The following ZFP64 variants were observed in gnomAD, a reference collection of about 807,000 sequenced individuals.
ZFP64 encodes the protein zinc finger protein 64.
ZFP64 carries 14 observed loss-of-function variants against 51.6 expected under a neutral mutation model. That is an observed-to-expected ratio of 0.27 (90% CI 0.18 to 0.42). ZFP64 has a LOEUF of 0.42. ZFP64 is among the 10% of genes least tolerant of loss of function. The pLI is 1.00. For missense variants in ZFP64, 754 were observed against 906.8 expected, an observed-to-expected ratio of 0.83 and a Z score of 2.16; for synonymous variants, 375 against 361.4, an observed-to-expected ratio of 1.04 and a Z score of -0.43.
Position 52,085,411 on chromosome 20 carries a change from G to C in ZFP64, c.1229-145C>G, listed in dbSNP as rs961614181. 5 of 842,454 alleles carry C rather than the reference G, an allele frequency of 5.9e-6. No homozygotes were observed. The African/African-American group carries it at 6.9e-5, about 12-fold the overall frequency. The allele number at this position is 842,454 out of a possible 1,614,324, so 52.2% of individuals were successfully genotyped here. A position where few individuals can be genotyped will look rare whatever the true frequency, so the allele number is the denominator to read the frequency against. The stretch of plus-strand genomic sequence containing the variant: ...ACCTCCTAATGACAACACTTGTTGT[G>C]CATATTAATGCAATCCTCACAACAA... On this transcript the variant is annotated intron_variant, in intron 8 of 8. Transcript: ENST00000361387. This position sits in a 1 kb window ranked among gnomAD's most constrained non-coding sequence, Gnocchi z 4.3.
downstream of ZFP64, among the ~76,000 whole-genome samples, chr20:52,146,847 A>T (rs1052260489): frequency 2.0e-5 from 3 of 152,216 alleles, no homozygotes; most frequent in Non-Finnish European, 4.4e-5. Context: ...AAACTTCCAG[A>T]TAAGATATTA....
chr20:52,191,521 G>A lies in ZFP64; in HGVS notation c.46+70C>T. On this transcript the variant is annotated intron_variant, in intron 1 of 5. Coordinates refer to ENST00000216923, the MANE Select transcript of ZFP64 (RefSeq NM_018197.3). This position sits in a 1 kb window ranked among gnomAD's most constrained non-coding sequence, Gnocchi z 4.3. Reference sequence around the variant, plus strand: ...CGGGCCTGCTGGCTGCGTCGCAGACGTGCTTGGGCCCGGGCCCCGGAGCGC... The same window carrying A: ...CGGGCCTGCTGGCTGCGTCGCAGACATGCTTGGGCCCGGGCCCCGGAGCGC... 1.4e-6 allele frequency: 2 copies of A among 1,463,916 alleles called. No individual in the cohort carries two copies. Among genetic ancestry groups the A allele is most frequent in the Non-Finnish European group, 1.8e-6 (2 of 1,107,222 alleles). The allele number at this position is 1,463,916 out of a possible 1,614,324, so 90.7% of individuals were successfully genotyped here. A position where few individuals can be genotyped will look rare whatever the true frequency, so the allele number is the denominator to read the frequency against.
In ZFP64 at chr20:52,103,759, T is replaced by A. The variant is rs1390071197; in HGVS notation, c.764-5172A>T. 3.3e-5 allele frequency among the ~76,000 whole-genome samples: 5 copies of A among 152,328 alleles called. No homozygotes were observed. The East Asian group carries it at 9.6e-4, about 29-fold the overall frequency. Reference sequence around the variant, plus strand: ...CCTCGACCCAGGGGACGGGATCCTGTAAGTCTCACCTGCCTATCTCCATCC... The same window carrying A: ...CCTCGACCCAGGGGACGGGATCCTGAAAGTCTCACCTGCCTATCTCCATCC... On this transcript the variant is annotated intron_variant, in intron 5 of 8. Coordinates refer to the ZFP64 transcript ENST00000361387.
In ZFP64 at chr20:52,097,003, C is replaced by T; in HGVS notation, c.976+370G>A. The T allele has an allele frequency of 5.2e-6, 3 of 574,630 alleles. 1 individual carries two copies. Among genetic ancestry groups the T allele is most frequent in the Middle Eastern group, 2.9e-4 (1 of 3,452 alleles). 35.6% of individuals were successfully genotyped at this position (574,630 alleles called of 1,614,324 possible). ...TGCAAGCAATAGGTAAATGAAGGAG[C>T]ATGCCAACAGGCTGAGTTGCCCATG... On this transcript the variant is annotated intron_variant, in intron 7 of 8. Coordinates refer to the ZFP64 transcript ENST00000361387.
intron 2 of ZFP64, among the ~76,000 whole-genome samples, chr20:52,180,547 C>CA (rs10669415): frequency 0.21 from 18,565 of 87,042 alleles, 2,136 homozygotes; most frequent in South Asian, 0.25. Context: ...CCAGAAATGG[C>CA]AAAAAAAAAA....
intron 5 of ZFP64, among the ~76,000 whole-genome samples, chr20:52,124,605 T>C (rs977209963): frequency 6.6e-6 from 1 of 150,400 alleles, no homozygotes; most frequent in Admixed American, 6.6e-5. Context: ...TAAACATTTT[T>C]TACTTTATTA....
intron 2 of ZFP64, among the ~76,000 whole-genome samples, chr20:52,171,589 A>G (rs1218085201): frequency 6.6e-6 from 1 of 151,800 alleles, no homozygotes; most frequent in Non-Finnish European, 1.5e-5. Flanking sequence ...TCCCGGGTTC[A>G]AGTGATTCTC....
chr20:52,087,661 T>G (rs139722543), intron 8 of ZFP64, among the ~76,000 whole-genome samples: 128 of 152,352 alleles, frequency 8.4e-4, no homozygotes, highest in Non-Finnish European at 1.5e-3. Context: ...CACCTGCTAC[T>G]GGGTTGGTTG....
chr20:52,145,563 G>C (rs932871264), intron 5 of ZFP64, among the ~76,000 whole-genome samples: 1 of 152,124 alleles, frequency 6.6e-6, no homozygotes, highest in South Asian at 2.1e-4. Context: ...ACCTGAGCCT[G>C]GGGAGGTAGA....
chr20:52,137,082 T>C (rs1322094724), intron 5 of ZFP64, among the ~76,000 whole-genome samples: 1 of 152,166 alleles, frequency 6.6e-6, no homozygotes, highest in Non-Finnish European at 1.5e-5. Context: ...TAATTTGATA[T>C]TGAAGAAATG....
chr20:52,107,365 C>T (rs1004706773), intron 5 of ZFP64, among the ~76,000 whole-genome samples: 3 of 152,060 alleles, frequency 2.0e-5, no homozygotes, highest in African/African-American at 7.2e-5. Flanking sequence ...TTTTAGGCTG[C>T]TTGCTTGCAC....
At chr20:52,155,860 A>G (rs1399444171) in intron 5 of ZFP64, among the ~76,000 whole-genome samples, 1 of 152,208 alleles carries the variant, frequency 6.6e-6, no homozygotes, top group Non-Finnish European at 1.5e-5. Flanking sequence ...TTGGGTTGCT[A>G]CTAAAACAAG....
intron 5 of ZFP64, among the ~76,000 whole-genome samples, chr20:52,101,743 G>A (rs138874945): frequency 1.0e-3 from 154 of 151,850 alleles, no homozygotes; most frequent in Admixed American, 3.9e-3. Flanking sequence ...CTTGCCAGAT[G>A]ATTCTGCTGT....
chr20:52,177,028 C>T (rs1361424403), intron 2 of ZFP64, among the ~76,000 whole-genome samples: 3 of 152,050 alleles, frequency 2.0e-5, no homozygotes, highest in Non-Finnish European at 4.4e-5. Context: ...AGAGCTTCCT[C>T]CCACATCCCA....
At chr20:52,169,484 C>G (rs1982538532) in intron 2 of ZFP64, among the ~76,000 whole-genome samples, 1 of 152,108 alleles carries the variant, frequency 6.6e-6, no homozygotes, top group South Asian at 2.1e-4. Flanking sequence ...CCAGGTCCTC[C>G]CTACAAGTCA....
intron 4 of ZFP64, among the ~76,000 whole-genome samples, chr20:52,162,484 G>A (rs1039015248): frequency 3.3e-5 from 5 of 151,878 alleles, no homozygotes; most frequent in South Asian, 4.2e-4. Flanking sequence ...AAAACTAGCC[G>A]GGCGTGGTGG....
chr20:52,143,702 AT>A (rs11478756), intron 5 of ZFP64, among the ~76,000 whole-genome samples: 59,167 of 134,498 alleles, frequency 0.44, 17,837 homozygotes, highest in Non-Finnish European at 0.52. Flanking sequence ...CACCCGGCCA[AT>A]TTTTTTTTTT....
At chr20:52,138,922 G>A (rs1257169646) in intron 5 of ZFP64, among the ~76,000 whole-genome samples, 1 of 152,104 alleles carries the variant, frequency 6.6e-6, no homozygotes, top group Non-Finnish European at 1.5e-5. Flanking sequence ...CAGCCAACAA[G>A]CATATGAAAA....
Position 52,153,438 on chromosome 20 carries a change from C to T in ZFP64, c.764-10G>A, listed in dbSNP as rs752247103. The T allele has an allele frequency of 1.2e-6, 2 of 1,609,438 alleles. No individual in the cohort carries two copies. Among genetic ancestry groups the T allele is most frequent in the Non-Finnish European group, 1.7e-6 (2 of 1,177,120 alleles). On this transcript the variant is annotated splice_polypyrimidine_tract_variant and intron_variant, in intron 5 of 5. Coordinates refer to ENST00000216923, the MANE Select transcript of ZFP64 (RefSeq NM_018197.3). The surrounding 1 kb of genome is among the most constrained non-coding windows in gnomAD (Gnocchi z 5.1). Reference sequence around the variant, plus strand: ...TGGAAGGGGGCGTCCCCTGTCAACACAAGGTGAGTTTCGATAAGAACAGGC... The same window carrying T: ...TGGAAGGGGGCGTCCCCTGTCAACATAAGGTGAGTTTCGATAAGAACAGGC...
Sources: gnomAD v4.1 joint callset for allele counts (sites outside exome capture counted in the v4.1 genomes callset) on GRCh38, gnomAD v4.1.1 for gene constraint, Gnocchi (gnomAD v3.1) non-coding constraint, MANE v1.5 for transcripts, NCBI Gene and HGNC (gene_info 2026-07-23, HGNC 2026-07-21) for gene names.